MREG: variants seen among roughly 807,000 people sequenced by gnomAD.
MREG encodes the protein melanoregulin, also known as dilute suppressor protein homolog.
A neutral mutation model predicts 28.5 loss-of-function variants in MREG; 31 were observed. The ratio of observed to expected loss-of-function variants is 1.09; its 90% confidence interval spans 0.82 to 1.47. MREG has a LOEUF of 1.47. MREG is among the 40% of genes most tolerant of loss of function. The pLI is 0.00. For missense variants in MREG, 256 were observed against 257.4 expected, an observed-to-expected ratio of 0.99 and a Z score of 0.04; for synonymous variants, 106 against 95.2, an observed-to-expected ratio of 1.11 and a Z score of -0.66.
chr2:216,018,613 C>T (rs924643379), intron 1 of MREG, among the ~76,000 whole-genome samples: 3 of 152,206 alleles, frequency 2.0e-5, no homozygotes, highest in African/African-American at 7.2e-5. Flanking sequence ...AACCAGTACT[C>T]TGAGCCAAGC....
At chr2:216,024,986 GA>G (rs530529242) in intron 1 of MREG, among the ~76,000 whole-genome samples, 206 of 150,442 alleles carry the variant, frequency 1.4e-3, no homozygotes, top group Non-Finnish European at 2.6e-3. Flanking sequence ...AAAGGAAAAG[GA>G]AAAGGAAAGG....
At chr2:215,989,775 C>T (rs1165997542) in intron 2 of MREG, among the ~76,000 whole-genome samples, 1 of 151,504 alleles carries the variant, frequency 6.6e-6, no homozygotes, top group African/African-American at 2.4e-5. Context: ...CCAAATCGAT[C>T]AAGCAGAAGA....
rs978566042 is a variant in MREG, at chr2:215,988,930, C to G, written c.255+7376G>C. ...AGATAAAACTCCCATCTCCCTGGGA[C>G]AGAGCACCTGGGGGAAGGGGTGGCT... On this transcript the variant is annotated intron_variant, in intron 2 of 4. Coordinates refer to ENST00000263268, the MANE Select transcript of MREG (RefSeq NM_018000.3). 4.6e-5 allele frequency among the ~76,000 whole-genome samples: 7 copies of G among 152,206 alleles called. No homozygotes were observed. The East Asian group carries it at 1.3e-3, about 29-fold the overall frequency.
intron 2 of MREG, among the ~76,000 whole-genome samples, chr2:215,964,544 A>G (rs928408037): frequency 6.6e-6 from 1 of 152,160 alleles, no homozygotes; most frequent in Non-Finnish European, 1.5e-5. Context: ...AGACATTGAG[A>G]TAATTCACAA....
At chr2:215,996,888 C>G (rs1307631874) in intron 1 of MREG, among the ~76,000 whole-genome samples, 2 of 152,096 alleles carry the variant, frequency 1.3e-5, no homozygotes, top group African/African-American at 4.8e-5. Context: ...TCAAGTGATT[C>G]TCCTGCCTCA....
At position 216,023,343 on chromosome 2, in the gene MREG, T is replaced by C. The variant is rs554136319; in HGVS notation, c.-68+9446A>G. ...TTACTCAACAGATGGAAAGCTGCTG[T>C]AGCCACAATGCCTGTATGAACCTAG... is the stretch of plus-strand genomic sequence containing the variant. On this transcript the variant is annotated intron_variant, in intron 1 of 3. Transcript: ENST00000420348. Among the ~76,000 whole-genome samples the C allele has an allele frequency of 2.0e-5, 3 of 152,352 alleles. 1 individual carries two copies. The highest frequency in any genetic ancestry group is 7.2e-5 in the African/African-American group (3 of 41,584).
rs116586353 is a variant in MREG, at chr2:215,971,955, G to A, written c.255+24351C>T. Among the ~76,000 whole-genome samples, 1,349 of 152,218 alleles carry A rather than the reference G, an allele frequency of 8.9e-3. 16 individuals carry two copies. The highest frequency in any genetic ancestry group is 0.03 in the African/African-American group (1,238 of 41,518). Reference sequence around the variant, plus strand: ...CCCATCAGATGGGAAAGACATTCCCGGCACCCGCAGTTAGTTGCCCGATGG... The same window carrying A: ...CCCATCAGATGGGAAAGACATTCCCAGCACCCGCAGTTAGTTGCCCGATGG... On this transcript the variant is annotated intron_variant, in intron 2 of 4. Coordinates refer to ENST00000263268, the MANE Select transcript of MREG (RefSeq NM_018000.3).
chr2:216,020,321 A>T (rs1402487141), intron 1 of MREG, among the ~76,000 whole-genome samples: 1 of 152,212 alleles, frequency 6.6e-6, no homozygotes, highest in African/African-American at 2.4e-5. Flanking sequence ...CCCTCCAAAG[A>T]TAAAATAAAG....
intron 2 of MREG, among the ~76,000 whole-genome samples, chr2:215,968,943 G>A (rs960612640): frequency 1.3e-5 from 2 of 152,120 alleles, no homozygotes; most frequent in African/African-American, 2.4e-5. Flanking sequence ...ATTTTTAGTA[G>A]AGATGAGGTC....
At chr2:216,015,154 CGT>C (rs1022377557), upstream of MREG, among the ~76,000 whole-genome samples, 32 of 55,896 alleles carry the variant, frequency 5.7e-4, no homozygotes, top group African/African-American at 2.4e-3. Flanking sequence ...TGCGTGCGTA[CGT>C]GTGCGCGCGC....
chr2:215,941,623 A>G (rs1692198631), downstream of MREG: 1 of 152,194 alleles, frequency 6.6e-6, no homozygotes, highest in South Asian at 2.1e-4. Flanking sequence ...CTTTCCTTCA[A>G]TCAGCAGTTT....
chr2:215,945,515 A>G, intron 4 of MREG, 56 bp downstream of exon 4: 1 of 1,577,904 alleles, frequency 6.3e-7, no homozygotes, highest in Non-Finnish European at 8.6e-7. Flanking sequence ...GAATAGTTTT[A>G]AAAAGCCAAG....
intron 1 of MREG, among the ~76,000 whole-genome samples, chr2:216,025,912 A>C (rs1694589026): frequency 6.6e-6 from 1 of 152,230 alleles, no homozygotes; most frequent in Non-Finnish European, 1.5e-5. Flanking sequence ...CATAAGATGA[A>C]GTCCTCCAGG....
At chr2:215,997,215 G>T (rs1028959356) in intron 1 of MREG, among the ~76,000 whole-genome samples, 1 of 152,212 alleles carries the variant, frequency 6.6e-6, no homozygotes, top group Non-Finnish European at 1.5e-5. Context: ...AATTCCTTAT[G>T]CCAGGAAAAT....
intron 2 of MREG, among the ~76,000 whole-genome samples, chr2:215,989,455 G>T (rs1026336578): frequency 3.9e-5 from 6 of 152,154 alleles, no homozygotes; most frequent in Admixed American, 3.9e-4. Context: ...GTGCAAAAAG[G>T]CTGGAAAGTC....
At chr2:215,957,032 T>C (rs1443352943) in intron 2 of MREG, among the ~76,000 whole-genome samples, 1 of 151,906 alleles carries the variant, frequency 6.6e-6, no homozygotes, top group Non-Finnish European at 1.5e-5. Flanking sequence ...ACCCAGACAG[T>C]CTGGTTGTGC....
chr2:216,001,523 C>A (rs1027751391), intron 1 of MREG, among the ~76,000 whole-genome samples: 1 of 152,236 alleles, frequency 6.6e-6, no homozygotes, highest in Non-Finnish European at 1.5e-5. Flanking sequence ...CTCCACTCTG[C>A]CCCTCTGCCT....
chr2:216,015,123 G>GTGTGTGCGCGTGTGCGTGTGCGCGCA (rs1694416662), upstream of MREG, among the ~76,000 whole-genome samples: 1 of 147,524 alleles, frequency 6.8e-6, no homozygotes, highest in South Asian at 2.1e-4. Context: ...GTGCACGCGT[G>GTGTGTGCGCGTGTGCGTGTGCGCGCA]TGTGTGCGCG....
chr2:215,945,772 C>A, intron 3 of MREG, 38 bp from the exon 4 acceptor site: 1 of 1,581,456 alleles, frequency 6.3e-7, no homozygotes, highest in Non-Finnish European at 8.6e-7. Context: ...TAAAGTAGTC[C>A]CAAGTTAACA....
Sources: gnomAD v4.1 joint callset for allele counts (sites outside exome capture counted in the v4.1 genomes callset) on GRCh38, gnomAD v4.1.1 for gene constraint, MANE v1.5 for transcripts, NCBI Gene and HGNC (gene_info 2026-07-23, HGNC 2026-07-21) for gene names.